The following ROBO2 variants were observed in gnomAD, a reference collection of about 807,000 sequenced individuals.
The protein encoded by ROBO2 is roundabout homolog 2.
In ROBO2, 53 loss-of-function variants were observed where a neutral mutation model predicts 160.8. The ratio of observed to expected loss-of-function variants is 0.33; its 90% CI spans 0.26 to 0.41. The LOEUF (loss-of-function observed/expected upper bound fraction) is 0.41. Among genes scored for constraint, ROBO2 ranks in the 10% least tolerant of loss-of-function variants. ROBO2 has a pLI of 1.00. For synonymous variants in ROBO2, 664 were observed against 611.7 expected (o/e 1.09, Z -1.26); for missense variants, 1,577 against 1,722.4 (o/e 0.92, Z 1.49).
chr3:76,237,971 T>G (rs1197657140), intron 2 of ROBO2, among the ~76,000 whole-genome samples: 2 of 152,182 alleles, frequency 1.3e-5, no homozygotes, highest in African/African-American at 4.8e-5. Context: ...CTGGGCTATG[T>G]GGAGACTTGG....
chr3:76,801,862 T>C (rs2064226083), intron 2 of ROBO2, among the ~76,000 whole-genome samples: 1 of 152,200 alleles, frequency 6.6e-6, no homozygotes, highest in Admixed American at 6.5e-5. Context: ...CTTTTTTCAC[T>C]TGAGCCCTTA....
chr3:77,538,078 A>G (rs2092249761), intron 6 of ROBO2, among the ~76,000 whole-genome samples: 1 of 150,584 alleles, frequency 6.6e-6, no homozygotes, highest in East Asian at 2.0e-4. Flanking sequence ...AAAGTGTATC[A>G]CTCATCTAAA....
At chr3:76,850,459 G>A (rs544069254) in intron 2 of ROBO2, among the ~76,000 whole-genome samples, 40 of 152,170 alleles carry the variant, frequency 2.6e-4, no homozygotes, top group African/African-American at 9.4e-4. Flanking sequence ...CGATGGAAGC[G>A]GATAAATAAA....
chr3:77,315,932 A>G (rs1387125640), intron 2 of ROBO2, among the ~76,000 whole-genome samples: 1 of 152,042 alleles, frequency 6.6e-6, no homozygotes, highest in Non-Finnish European at 1.5e-5. Flanking sequence ...TCTGTAAGTG[A>G]TGTTAATTAC....
At chr3:77,174,796 A>G (rs1373194307) in intron 2 of ROBO2, among the ~76,000 whole-genome samples, 2 of 152,012 alleles carry the variant, frequency 1.3e-5, no homozygotes, top group African/African-American at 2.4e-5. Context: ...GTTCTCCTCC[A>G]TCTTAAACAC....
chr3:76,868,335 C>T (rs1417362514), intron 2 of ROBO2, among the ~76,000 whole-genome samples: 5 of 152,006 alleles, frequency 3.3e-5, no homozygotes, highest in Non-Finnish European at 5.9e-5. Flanking sequence ...TCTCAAATTC[C>T]ACTTCTTTCT....
At chr3:76,215,941 A>G (rs542620754) in intron 2 of ROBO2, among the ~76,000 whole-genome samples, 2 of 152,360 alleles carry the variant, frequency 1.3e-5, no homozygotes, top group East Asian at 1.9e-4. Flanking sequence ...AGGGAAGCCC[A>G]GCAGACTAAC....
chr3:76,147,616 A>G (rs990673301), intron 2 of ROBO2, among the ~76,000 whole-genome samples: 2 of 152,062 alleles, frequency 1.3e-5, no homozygotes, highest in African/African-American at 4.8e-5. Context: ...CATAACATAT[A>G]TGCTCAGTAA....
intron 1 of ROBO2, among the ~76,000 whole-genome samples, chr3:77,047,907 T>A (rs2149670976): frequency 6.7e-6 from 1 of 150,034 alleles, no homozygotes; most frequent in East Asian, 2.0e-4. Flanking sequence ...ATTAGCCGGG[T>A]GTGGTGGCGG....
intron 2 of ROBO2, among the ~76,000 whole-genome samples, chr3:76,338,140 G>A (rs527296049): frequency 6.6e-6 from 1 of 152,194 alleles, no homozygotes; most frequent in Non-Finnish European, 1.5e-5. Flanking sequence ...ATAGCTATAA[G>A]GAATTTAGTT....
intron 2 of ROBO2, among the ~76,000 whole-genome samples, chr3:76,418,585 TCTC>T (rs1449796706): frequency 6.7e-6 from 1 of 149,466 alleles, no homozygotes; most frequent in Non-Finnish European, 1.5e-5. Flanking sequence ...CCAATAAAAG[TCTC>T]CTTGTGGTGA....
chr3:76,295,867 T>C (rs34466453), intron 2 of ROBO2, among the ~76,000 whole-genome samples: 7,810 of 152,224 alleles, frequency 0.051, 212 homozygotes, highest in African/African-American at 0.064. Flanking sequence ...GCTTAAAAAC[T>C]TATAGTTTTC....
chr3:76,840,539 G>A (rs988791059), intron 2 of ROBO2, among the ~76,000 whole-genome samples: 2 of 150,554 alleles, frequency 1.3e-5, no homozygotes, highest in African/African-American at 4.9e-5. Context: ...GAACCCAGAA[G>A]GTGGAACTTG....
At chr3:76,129,888 T>G (rs936689754) in intron 2 of ROBO2, among the ~76,000 whole-genome samples, 2 of 152,036 alleles carry the variant, frequency 1.3e-5, no homozygotes, top group African/African-American at 4.8e-5. Flanking sequence ...CTCTAGATCA[T>G]TTTGATATAT....
At chr3:77,269,124 T>TC (rs59266550) in intron 2 of ROBO2, among the ~76,000 whole-genome samples, 79,771 of 151,862 alleles carry the variant, frequency 0.53, 21,625 homozygotes, top group Middle Eastern at 0.71. Flanking sequence ...TAATTTTTTT[T>TC]TCCTAATGCA....
At chr3:77,149,088 T>C (rs80064931) in intron 2 of ROBO2, among the ~76,000 whole-genome samples, 6,939 of 145,214 alleles carry the variant, frequency 0.048, 371 homozygotes, top group East Asian at 0.22. Context: ...CAGGCTGGAG[T>C]GCGGTGGCAT....
intron 2 of ROBO2, among the ~76,000 whole-genome samples, chr3:76,967,321 C>G (rs995981577): frequency 6.6e-6 from 1 of 151,602 alleles, no homozygotes; most frequent in Non-Finnish European, 1.5e-5. Flanking sequence ...TTTTTCCACC[C>G]CAGACTTCCA....
At chr3:77,533,610 G>T (rs572906518) in intron 6 of ROBO2, among the ~76,000 whole-genome samples, 1 of 152,050 alleles carries the variant, frequency 6.6e-6, no homozygotes, top group African/African-American at 2.4e-5. Flanking sequence ...TTCAGCCTTC[G>T]CACATTGCTG....
intron 2 of ROBO2, among the ~76,000 whole-genome samples, chr3:76,277,197 A>G (rs1255866021): frequency 1.3e-5 from 2 of 151,994 alleles, no homozygotes; most frequent in African/African-American, 4.8e-5. Flanking sequence ...AGCACGTAAT[A>G]GTAAAATATA....
Sources: gnomAD v4.1 joint callset for allele counts (sites outside exome capture counted in the v4.1 genomes callset) on GRCh38, gnomAD v4.1.1 for gene constraint, MANE v1.5 for transcripts, NCBI Gene and HGNC (gene_info 2026-07-23, HGNC 2026-07-21) for gene names.